COL23A1: variants seen among roughly 807,000 people sequenced by gnomAD.
The protein encoded by COL23A1 is collagen type XXIII alpha 1 chain.
Under a neutral mutation model 99.3 loss-of-function variants are expected in COL23A1, and 97 were observed. That is an observed-to-expected ratio of 0.98 (90% CI 0.83 to 1.16). The LOEUF is 1.16. Among genes scored for constraint, COL23A1 ranks in the 50% most tolerant of loss-of-function variants. The pLI is 0.00. For synonymous variants in COL23A1, 320 were observed against 308.2 expected (o/e 1.04, Z -0.40); for missense variants, 762 against 757.4 (o/e 1.01, Z -0.07).
At chr5:178,485,731 G>A (rs1319485679) in intron 2 of COL23A1, among the ~76,000 whole-genome samples, 3 of 133,152 alleles carry the variant, frequency 2.3e-5, no homozygotes, top group South Asian at 2.4e-4. Flanking sequence ...GCAGTGAGCC[G>A]AGATCACACC....
chr5:178,266,186 G>A (rs1232902375), intron 8 of COL23A1, among the ~76,000 whole-genome samples: 3 of 151,962 alleles, frequency 2.0e-5, no homozygotes, highest in Non-Finnish European at 2.9e-5. Flanking sequence ...GACCACAGGC[G>A]CACACCTCCA....
intron 2 of COL23A1, among the ~76,000 whole-genome samples, chr5:178,358,063 G>C (rs62644431): frequency 1.6e-5 from 2 of 128,414 alleles, no homozygotes; most frequent in African/African-American, 6.0e-5. Context: ...TAATGTATGT[G>C]TATTGTGTGT....
chr5:178,263,538 C>T (rs2278230), intron 8 of COL23A1, among the ~76,000 whole-genome samples: 43,877 of 152,148 alleles, frequency 0.29, 6,838 homozygotes, highest in East Asian at 0.57. Flanking sequence ...CTACAGGACC[C>T]TTTACATGCC....
rs1486898298 is a variant in COL23A1, at chr5:178,408,985, C to A, written c.362-102066G>T. On this transcript the variant is annotated intron_variant, in intron 2 of 28. Transcript: ENST00000390654. ...AAAAAAAAAAAAAAATACACACACA[C>A]ACACACACACACACACACACACACA... Among the ~76,000 whole-genome samples the A allele has an allele frequency of 1.3e-4, 16 of 120,260 alleles. 1 individual carries two copies. Among genetic ancestry groups the A allele is most frequent in the Admixed American group, 4.1e-4 (5 of 12,252 alleles). 78.9% of individuals were successfully genotyped at this position (120,260 alleles called of 152,430 possible).
intron 2 of COL23A1, among the ~76,000 whole-genome samples, chr5:178,463,377 A>C (rs904943380): frequency 3.3e-5 from 5 of 152,336 alleles, no homozygotes; most frequent in Non-Finnish European, 7.3e-5. Context: ...TGGATTTGGT[A>C]TTCTCTTCCT....
In COL23A1 at chr5:178,507,632, G is replaced by A. The variant is rs143832096; in HGVS notation, c.361+53050C>T. Among the ~76,000 whole-genome samples, 13 of 152,250 alleles carry A rather than the reference G, an allele frequency of 8.5e-5. 1 individual carries two copies. The South Asian group carries it at 1.2e-3, about 15-fold the overall frequency. ...AGGTTGATAGTTCTTTTCTCTCAGC[G>A]TTTGAAAACTTCTTATGCCACTTCC... is the stretch of plus-strand genomic sequence containing the variant. On this transcript the variant is annotated intron_variant, in intron 2 of 28. Coordinates refer to ENST00000390654, the MANE Select transcript of COL23A1 (RefSeq NM_173465.4).
At chr5:178,515,245 C>T (rs1358852078) in intron 2 of COL23A1, among the ~76,000 whole-genome samples, 2 of 152,220 alleles carry the variant, frequency 1.3e-5, no homozygotes, top group Non-Finnish European at 2.9e-5. Flanking sequence ...CTCTGCACTG[C>T]CCCATCTGCA....
rs113439965 is a variant in COL23A1 at position 178,589,423 on chromosome 5, C to T, written c.294+481G>A. ...GGAGACACACTGGAGCACAGCGGGG[C>T]CCAGCCCTCGGGCCTGTCTGAGGCT... On this transcript the variant is annotated intron_variant, in intron 1 of 28. Coordinates refer to ENST00000390654, the MANE Select transcript of COL23A1 (RefSeq NM_173465.4). The surrounding 1 kb of genome is among the most constrained non-coding windows in gnomAD (Gnocchi z 5.4). Among the ~76,000 whole-genome samples the T allele has an allele frequency of 0.014, 2,175 of 151,650 alleles. 23 individuals are homozygous for T. Among genetic ancestry groups the T allele is most frequent in the African/African-American group, 0.03 (1,237 of 41,240 alleles).
intron 2 of COL23A1, among the ~76,000 whole-genome samples, chr5:178,556,160 T>C (rs1762260208): frequency 6.6e-6 from 1 of 152,100 alleles, no homozygotes; most frequent in Non-Finnish European, 1.5e-5. Flanking sequence ...GGCCAGATTC[T>C]TTCCTGGACC....
At chr5:178,582,200 C>CT (rs1763694241) in intron 1 of COL23A1, among the ~76,000 whole-genome samples, 1 of 99,660 alleles carries the variant, frequency 1.0e-5, no homozygotes, top group African/African-American at 4.7e-5. Flanking sequence ...GGACGAGACT[C>CT]TATCTCAAAA....
chr5:178,405,292 T>C (rs1196553365), intron 2 of COL23A1, among the ~76,000 whole-genome samples: 1 of 152,282 alleles, frequency 6.6e-6, no homozygotes, highest in African/African-American at 2.4e-5. Context: ...CTTCAGCTAG[T>C]TTAAGTTGTT....
At chr5:178,311,546 A>G (rs575898882) in intron 2 of COL23A1, among the ~76,000 whole-genome samples, 1 of 148,290 alleles carries the variant, frequency 6.7e-6, no homozygotes, top group African/African-American at 2.5e-5. Context: ...CGGGGCTTTA[A>G]TGTAAGTGGG....
intron 2 of COL23A1, among the ~76,000 whole-genome samples, chr5:178,356,175 G>A (rs563183587): frequency 7.9e-5 from 12 of 152,270 alleles, no homozygotes; most frequent in South Asian, 2.1e-4. Flanking sequence ...CCACAGAGAC[G>A]GGAAGCAGAG....
At chr5:178,478,141 G>T (rs1180987082) in intron 2 of COL23A1, among the ~76,000 whole-genome samples, 2 of 152,216 alleles carry the variant, frequency 1.3e-5, no homozygotes, top group African/African-American at 4.8e-5. Context: ...GCCCCCGACA[G>T]GCCTCCCTGA....
intron 2 of COL23A1, among the ~76,000 whole-genome samples, chr5:178,431,041 C>T (rs1247929311): frequency 6.6e-6 from 1 of 152,078 alleles, no homozygotes; most frequent in Non-Finnish European, 1.5e-5. Flanking sequence ...GTTCTCCAGG[C>T]AGGGGAGGGA....
chr5:178,546,539 C>T (rs956901869), intron 2 of COL23A1, among the ~76,000 whole-genome samples: 1 of 152,184 alleles, frequency 6.6e-6, no homozygotes, highest in African/African-American at 2.4e-5. Context: ...AGAGCTGCCT[C>T]GTCCTGACAC....
intron 2 of COL23A1, among the ~76,000 whole-genome samples, chr5:178,373,909 C>T (rs1762931210): frequency 6.6e-6 from 1 of 152,180 alleles, no homozygotes; most frequent in Non-Finnish European, 1.5e-5. Context: ...TTGAACATAT[C>T]TGGGCAGGGC....
chr5:178,346,382 T>G (rs554778703), intron 2 of COL23A1, among the ~76,000 whole-genome samples: 27 of 152,242 alleles, frequency 1.8e-4, no homozygotes, highest in Admixed American at 1.4e-3. Context: ...TTCAGGGGCC[T>G]GCCACCATGT....
chr5:178,558,709 T>A (rs1459971426), intron 2 of COL23A1, among the ~76,000 whole-genome samples: 1 of 152,046 alleles, frequency 6.6e-6, no homozygotes, highest in African/African-American at 2.4e-5. Flanking sequence ...AAAGAAGGAC[T>A]GTTGGCATTT....
Sources: gnomAD v4.1 joint callset for allele counts (sites outside exome capture counted in the v4.1 genomes callset) on GRCh38, gnomAD v4.1.1 for gene constraint, Gnocchi (gnomAD v3.1) non-coding constraint, MANE v1.5 for transcripts, NCBI Gene and HGNC (gene_info 2026-07-23, HGNC 2026-07-21) for gene names.